FARS2: variants seen among roughly 807,000 people sequenced by gnomAD.
FARS2 encodes the protein phenylalanine--tRNA ligase, mitochondrial.
FARS2 carries 40 observed loss-of-function variants against 46.4 expected under a neutral mutation model. The observed-to-expected ratio is 0.86, with a 90% CI of 0.67 to 1.12. The LOEUF is 1.12. Among genes scored for constraint, FARS2 ranks in the 50% most tolerant of loss-of-function variants. The probability of loss-of-function intolerance (pLI) is 0.00; values close to 1 mark genes in which losing one functional copy is unlikely to be tolerated. For missense variants in FARS2, 513 were observed against 567.9 expected, an observed-to-expected ratio of 0.90 and a Z score of 0.98; for synonymous variants, 234 against 214.9, an observed-to-expected ratio of 1.09 and a Z score of -0.78.
At chr6:5,456,016 A>AGACC (rs1764833240) in intron 4 of FARS2, among the ~76,000 whole-genome samples, 1 of 152,184 alleles carries the variant, frequency 6.6e-6, no homozygotes, top group Admixed American at 6.5e-5. Flanking sequence ...CAGGAGTACA[A>AGACC]GACCAGCCAG....
At chr6:5,618,509 G>A (rs1479717068) in intron 6 of FARS2, among the ~76,000 whole-genome samples, 1 of 152,212 alleles carries the variant, frequency 6.6e-6, no homozygotes, top group African/African-American at 2.4e-5. Flanking sequence ...CGTTAGACAC[G>A]TTGCATGTTA....
intron 5 of FARS2, among the ~76,000 whole-genome samples, chr6:5,556,755 A>G (rs1471263367): frequency 2.6e-5 from 4 of 152,234 alleles, no homozygotes; most frequent in Middle Eastern, 3.4e-3. Context: ...CTTGTAGTGT[A>G]GATTGGAAGA....
intron 4 of FARS2, among the ~76,000 whole-genome samples, chr6:5,500,933 CG>C (rs1767757253): frequency 3.5e-5 from 5 of 143,546 alleles, no homozygotes; most frequent in African/African-American, 8.0e-5. Context: ...TTCAAATCCC[CG>C]AGAGAGAGAG....
intron 1 of FARS2, among the ~76,000 whole-genome samples, chr6:5,323,314 T>C (rs1372479523): frequency 2.0e-5 from 3 of 152,228 alleles, no homozygotes; most frequent in Non-Finnish European, 4.4e-5. Flanking sequence ...GACTGGGTCA[T>C]TTAAAGTGAG....
At chr6:5,260,467 G>T (rs1214600158), upstream of FARS2, among the ~76,000 whole-genome samples, 1 of 152,254 alleles carries the variant, frequency 6.6e-6, no homozygotes, top group Admixed American at 6.5e-5. Flanking sequence ...CCTCCCCGAG[G>T]TCTCAGAGGC....
chr6:5,474,369 G>T (rs937104663), intron 4 of FARS2, among the ~76,000 whole-genome samples: 1 of 152,208 alleles, frequency 6.6e-6, no homozygotes, highest in African/African-American at 2.4e-5. Context: ...TATGCTGAAG[G>T]TGTGTTGTAG....
In FARS2 at chr6:5,449,071, G is replaced by A. The variant is rs576668966; in HGVS notation, c.904+17899G>A. Among the ~76,000 whole-genome samples, 6 of 152,252 alleles carry A rather than the reference G, an allele frequency of 3.9e-5. No homozygotes were observed. In the East Asian group the frequency reaches 5.8e-4, roughly 15 times the overall value. On this transcript the variant is annotated intron_variant, in intron 4 of 6. Coordinates refer to ENST00000274680, the MANE Select transcript of FARS2 (RefSeq NM_006567.5). The stretch of plus-strand genomic sequence containing the variant: ...TCAGTGAAGTTAAAAGTCACTGGCC[G>A]GGTGCCGTGGCTCACGCCTGTAATC...
intron 6 of FARS2, among the ~76,000 whole-genome samples, chr6:5,668,464 A>G (rs941880126): frequency 9.8e-5 from 15 of 152,370 alleles, no homozygotes; most frequent in African/African-American, 3.4e-4. Context: ...TCAAATAGCC[A>G]GAGAAACCAG....
intron 1 of FARS2, among the ~76,000 whole-genome samples, chr6:5,362,261 T>G (rs370318593): frequency 3.9e-5 from 6 of 152,350 alleles, no homozygotes; most frequent in African/African-American, 1.4e-4. Context: ...TTCAAGATAC[T>G]GTGCTGTTTT....
At chr6:5,721,336 G>A (rs1759891981) in intron 6 of FARS2, among the ~76,000 whole-genome samples, 1 of 152,170 alleles carries the variant, frequency 6.6e-6, no homozygotes, top group Non-Finnish European at 1.5e-5. Context: ...AGGGAAAAGT[G>A]TGTTAATAGA....
chr6:5,608,225 A>C (rs962502589), intron 5 of FARS2, among the ~76,000 whole-genome samples: 1 of 152,154 alleles, frequency 6.6e-6, no homozygotes, highest in Non-Finnish European at 1.5e-5. Context: ...AGTGTTTACC[A>C]TCAGTTTGCG....
chr6:5,628,422 G>A (rs1196078354), intron 6 of FARS2, among the ~76,000 whole-genome samples: 1 of 152,212 alleles, frequency 6.6e-6, no homozygotes. Flanking sequence ...GACCCGGGCT[G>A]TCAGAACCCC....
At chr6:5,276,367 A>C (rs913049819) in intron 1 of FARS2, among the ~76,000 whole-genome samples, 61 of 152,204 alleles carry the variant, frequency 4.0e-4, no homozygotes, top group Non-Finnish European at 5.9e-5. Context: ...ATTACTTAAC[A>C]TTTAGATAAT....
At chr6:5,722,376 C>T (rs1253121374) in intron 6 of FARS2, among the ~76,000 whole-genome samples, 1 of 152,140 alleles carries the variant, frequency 6.6e-6, no homozygotes, top group African/African-American at 2.4e-5. Flanking sequence ...AGACGTTTTT[C>T]TTGTAAAGGG....
intron 3 of FARS2, among the ~76,000 whole-genome samples, chr6:5,405,480 C>CTTTTGTTTTTTTTTTTTTTTTT (rs1761519556): frequency 1.7e-5 from 1 of 58,946 alleles, no homozygotes; most frequent in Non-Finnish European, 3.1e-5. Context: ...GAGCAAGGTT[C>CTTTTGTTTTTTTTTTTTTTTTT]TTTTTTTTTT....
At chr6:5,442,241 G>T (rs1763882665) in intron 4 of FARS2, among the ~76,000 whole-genome samples, 1 of 151,602 alleles carries the variant, frequency 6.6e-6, no homozygotes, top group South Asian at 2.1e-4. Context: ...TTCATTTTTG[G>T]GTGAGGCTCA....
chr6:5,759,890 C>T (rs576631406), intron 6 of FARS2, among the ~76,000 whole-genome samples: 168 of 152,314 alleles, frequency 1.1e-3, no homozygotes, highest in Non-Finnish European at 1.7e-3. Flanking sequence ...TTACCTTTGA[C>T]TCTGTGATTT....
At chr6:5,511,454 G>T (rs1466761687) in intron 4 of FARS2, among the ~76,000 whole-genome samples, 1 of 152,144 alleles carries the variant, frequency 6.6e-6, no homozygotes, top group Non-Finnish European at 1.5e-5. Context: ...TAATCAAAAA[G>T]CTAATTAATC....
intron 5 of FARS2, among the ~76,000 whole-genome samples, chr6:5,546,327 T>C (rs1009625676): frequency 6.7e-6 from 1 of 149,978 alleles, no homozygotes; most frequent in Non-Finnish European, 1.5e-5. Flanking sequence ...CTTGGCTCAC[T>C]GCAACCTGCG....
Sources: gnomAD v4.1 joint callset for allele counts (sites outside exome capture counted in the v4.1 genomes callset) on GRCh38, gnomAD v4.1.1 for gene constraint, MANE v1.5 for transcripts, NCBI Gene and HGNC (gene_info 2026-07-23, HGNC 2026-07-21) for gene names.